DCLK2: variants seen among roughly 807,000 people sequenced by gnomAD.
The protein encoded by DCLK2 is serine/threonine-protein kinase DCLK2.
A neutral mutation model predicts 78.4 loss-of-function variants in DCLK2; 31 were observed. That is an observed-to-expected ratio of 0.40 (90% CI 0.30 to 0.53). DCLK2 has a LOEUF of 0.53. DCLK2 is among the 20% of genes least tolerant of loss of function. DCLK2 has a pLI of 0.61. For missense variants in DCLK2, 872 were observed against 973.7 expected (o/e 0.90, Z 1.39); for synonymous variants, 407 against 374.9 (o/e 1.09, Z -0.99).
At position 150,231,151 on chromosome 4, in the gene DCLK2, A is replaced by G. The variant is rs748412953; in HGVS notation, c.1300-1186A>G. ...TATAAGAAAGATGGGCTTGGATGTCAGAAACCTAGTTTACATTCAACCTCC... is the reference window on the plus strand; with the variant it reads ...TATAAGAAAGATGGGCTTGGATGTCGGAAACCTAGTTTACATTCAACCTCC... On this transcript the variant is annotated intron_variant, in intron 8 of 15. Transcript: ENST00000296550. Among the ~76,000 whole-genome samples, 33 of 152,386 alleles carry G rather than the reference A, an allele frequency of 2.2e-4. 1 individual carries two copies. Among genetic ancestry groups the G allele is most frequent in the Non-Finnish European group, 4.0e-4 (27 of 68,036 alleles).
At position 150,240,487 on chromosome 4, in the gene DCLK2, T is replaced by C. The variant is rs1175481909; in HGVS notation, c.1778+11T>C. Reference sequence around the variant, plus strand: ...CCCACCATTCCGAAGGTAGGCGGCCTTTTGGGCGACGTATTTGAATTGCAA... The same window carrying C: ...CCCACCATTCCGAAGGTAGGCGGCCCTTTGGGCGACGTATTTGAATTGCAA... On this transcript the variant is annotated intron_variant, in intron 12 of 15. Transcript: ENST00000296550. 6 of 1,607,002 alleles carry C rather than the reference T, an allele frequency of 3.7e-6. No individual in the cohort carries two copies. The highest frequency in any genetic ancestry group is 5.1e-6 in the Non-Finnish European group (6 of 1,175,512).
At chr4:150,095,688 G>A (rs911370002) in intron 1 of DCLK2, among the ~76,000 whole-genome samples, 4 of 152,186 alleles carry the variant, frequency 2.6e-5, no homozygotes, top group Admixed American at 2.0e-4. Flanking sequence ...ACTAGATAAT[G>A]CCAACCTAAG....
At chr4:150,219,390 T>G (rs562639922) in intron 5 of DCLK2, among the ~76,000 whole-genome samples, 1 of 151,024 alleles carries the variant, frequency 6.6e-6, no homozygotes, top group African/African-American at 2.4e-5. Context: ...GCCTCCCAGG[T>G]AGCTGGGATT....
At chr4:150,091,553 T>C (rs954538837) in intron 1 of DCLK2, among the ~76,000 whole-genome samples, 1 of 152,224 alleles carries the variant, frequency 6.6e-6, no homozygotes, top group African/African-American at 2.4e-5. Flanking sequence ...GTAGTCTCAG[T>C]GTCCAAATTT....
intron 6 of DCLK2, 80 bp from the exon 7 acceptor site, chr4:150,221,597 G>C: frequency 1.1e-6 from 1 of 874,112 alleles, no homozygotes; most frequent in Non-Finnish European, 1.7e-6. Context: ...ATGCATCGCA[G>C]TTTACTATTT....
At chr4:150,146,460 C>T (rs1355673148) in intron 2 of DCLK2, among the ~76,000 whole-genome samples, 2 of 152,116 alleles carry the variant, frequency 1.3e-5, no homozygotes, top group Admixed American at 1.3e-4. Context: ...TATTAATGTT[C>T]AGAAGAGAAG....
intron 2 of DCLK2, among the ~76,000 whole-genome samples, chr4:150,178,800 C>T (rs1178795988): frequency 6.6e-6 from 1 of 152,158 alleles, no homozygotes; most frequent in Non-Finnish European, 1.5e-5. Context: ...ATCAAAGCCT[C>T]TAACTTTCAA....
intron 4 of DCLK2, among the ~76,000 whole-genome samples, chr4:150,200,432 A>G (rs992246599): frequency 6.6e-6 from 1 of 152,236 alleles, no homozygotes; most frequent in African/African-American, 2.4e-5. Flanking sequence ...GCCTGAGTCA[A>G]CCACTGGGAT....
intron 10 of DCLK2, among the ~76,000 whole-genome samples, chr4:150,238,570 C>A (rs1458975310): frequency 6.6e-6 from 1 of 152,128 alleles, no homozygotes; most frequent in African/African-American, 2.4e-5. Context: ...AAACCTTTTC[C>A]AATGTGATAA....
At chr4:150,216,046 A>C (rs1451667418) in intron 5 of DCLK2, among the ~76,000 whole-genome samples, 2 of 152,202 alleles carry the variant, frequency 1.3e-5, no homozygotes, top group Non-Finnish European at 2.9e-5. Flanking sequence ...GTCAACAATA[A>C]TATGCCATAA....
At chr4:150,219,550 C>T (rs1004763580) in intron 5 of DCLK2, among the ~76,000 whole-genome samples, 3 of 152,178 alleles carry the variant, frequency 2.0e-5, no homozygotes, top group South Asian at 4.2e-4. Context: ...TGTGCACCAC[C>T]GCACCAAGCC....
rs1384922165 is a variant in DCLK2, at chr4:150,198,918, C to CG, written c.961+815_961+816insG. Reference sequence around the variant, plus strand: ...CCCTTTCCCCTTTCAGCACCCCCCCCCCCACTTTCTGTAGGGCAGGTCGTT... The same window carrying CG: ...CCCTTTCCCCTTTCAGCACCCCCCCCGCCCACTTTCTGTAGGGCAGGTCGTT... On this transcript the variant is annotated intron_variant, in intron 4 of 15. Coordinates refer to ENST00000296550, the MANE Select transcript of DCLK2 (RefSeq NM_001040260.4). 3 of 606,098 alleles carry CG rather than the reference C, an allele frequency of 4.9e-6. 1 individual carries two copies. Among genetic ancestry groups the CG allele is most frequent in the Middle Eastern group, 3.5e-4 (1 of 2,888 alleles). The allele number at this position is 606,098 out of a possible 1,614,324, so 37.5% of individuals were successfully genotyped here.
At chr4:150,132,157 A>G (rs926849811) in intron 2 of DCLK2, among the ~76,000 whole-genome samples, 4 of 151,620 alleles carry the variant, frequency 2.6e-5, no homozygotes, top group Admixed American at 1.3e-4. Context: ...GGCTGCTGCT[A>G]TCCCCTCCTC....
chr4:150,141,970 A>G (rs1422350202), intron 2 of DCLK2, among the ~76,000 whole-genome samples: 1 of 152,220 alleles, frequency 6.6e-6, no homozygotes, highest in East Asian at 1.9e-4. Flanking sequence ...TTGACATATT[A>G]AATGCTTCAG....
At chr4:150,196,422 G>T (rs1739035728) in intron 3 of DCLK2, among the ~76,000 whole-genome samples, 1 of 152,194 alleles carries the variant, frequency 6.6e-6, no homozygotes. Context: ...CTCCCTTTGT[G>T]TAAGGTTTTG....
At chr4:150,212,962 A>G (rs1740424396) in intron 5 of DCLK2, among the ~76,000 whole-genome samples, 1 of 152,156 alleles carries the variant, frequency 6.6e-6, no homozygotes, top group African/African-American at 2.4e-5. Context: ...AGAGGCAGAC[A>G]CCTCTCTCAT....
At chr4:150,118,110 G>C (rs1435682851) in intron 2 of DCLK2, among the ~76,000 whole-genome samples, 2 of 152,098 alleles carry the variant, frequency 1.3e-5, no homozygotes, top group Non-Finnish European at 2.9e-5. Context: ...CACTCTTCCT[G>C]GCTGTCCTGT....
In DCLK2 at chr4:150,078,821, C is replaced by T. The variant is rs1376015975; in HGVS notation, c.-207C>T. 2 of 558,058 alleles carry T rather than the reference C, an allele frequency of 3.6e-6. No individual in the cohort carries two copies. Among genetic ancestry groups the T allele is most frequent in the South Asian group, 3.3e-5 (1 of 29,884 alleles). 34.6% of individuals were successfully genotyped at this position (558,058 alleles called of 1,614,324 possible). On this transcript the variant is annotated 5_prime_UTR_variant, in exon 1 of 16. Coordinates refer to ENST00000296550, the MANE Select transcript of DCLK2 (RefSeq NM_001040260.4). ...TCGCACTGGACAATGACCTGGGCAG[C>T]TCGGCGCTGCGGACACTTTTAGCTG...
At chr4:150,112,533 C>A (rs1731763755) in intron 2 of DCLK2, among the ~76,000 whole-genome samples, 1 of 152,052 alleles carries the variant, frequency 6.6e-6, no homozygotes, top group African/African-American at 2.4e-5. Flanking sequence ...AAGTTTTCTC[C>A]ATTCAGTATA....
Sources: gnomAD v4.1 joint callset for allele counts (sites outside exome capture counted in the v4.1 genomes callset) on GRCh38, gnomAD v4.1.1 for gene constraint, MANE v1.5 for transcripts, NCBI Gene and HGNC (gene_info 2026-07-23, HGNC 2026-07-21) for gene names.